The following RERE variants were observed in gnomAD, a reference collection of about 807,000 sequenced individuals.
RERE encodes arginine-glutamic acid dipeptide repeats.
Under a neutral mutation model 146.1 loss-of-function variants are expected in RERE, and 40 were observed. The observed-to-expected ratio is 0.27, with a 90% confidence interval of 0.21 to 0.36. RERE has a LOEUF of 0.36. Ranked by LOEUF, RERE falls within the 10% of genes least tolerant of loss-of-function variation. The pLI is 1.00. For synonymous variants in RERE, 1,003 were observed against 866.0 expected (o/e 1.16, Z -2.78); for missense variants, 1,933 against 2,138.7 (o/e 0.90, Z 1.90).
At chr1:8,374,420 C>T (rs1642161486) in intron 12 of RERE, among the ~76,000 whole-genome samples, 1 of 152,152 alleles carries the variant, frequency 6.6e-6, no homozygotes, top group Non-Finnish European at 1.5e-5. Context: ...TGCAAAGGAA[C>T]TGCAATAGCT....
At position 8,694,976 on chromosome 1, in the gene RERE, G is replaced by GGA. The variant is rs981743428; in HGVS notation, c.-144-38536_-144-38535insTC. Among the ~76,000 whole-genome samples the GGA allele has an allele frequency of 3.7e-5, 5 of 136,858 alleles. 1 individual carries two copies. Among genetic ancestry groups the GGA allele is most frequent in the East Asian group, 4.3e-4 (2 of 4,684 alleles). The allele number at this position is 136,858 out of a possible 152,430, so 89.8% of individuals were successfully genotyped here. A position where few individuals can be genotyped will look rare whatever the true frequency, so the allele number is the denominator to read the frequency against. On this transcript the variant is annotated intron_variant, in intron 1 of 22. Coordinates refer to ENST00000400908, the MANE Select transcript of RERE (RefSeq NM_001042681.2). ...CCAAAGAGCCAAAGAAATCCTAAGG[G>GGA]GGGGGGGGGAATGCTGGCAGCATCA... is the stretch of plus-strand genomic sequence containing the variant.
chr1:8,804,840 T>A (rs1404678343), intron 1 of RERE, among the ~76,000 whole-genome samples: 2 of 152,184 alleles, frequency 1.3e-5, no homozygotes, highest in African/African-American at 2.4e-5. Context: ...ATGAGATACA[T>A]GAAAGAAAGG....
chr1:8,730,500 A>G (rs763962374), intron 1 of RERE, among the ~76,000 whole-genome samples: 32 of 151,940 alleles, frequency 2.1e-4, no homozygotes, highest in Non-Finnish European at 3.5e-4. Flanking sequence ...GCGTCCCCAC[A>G]CCCAGCTAAT....
chr1:8,359,776 T>G lies in RERE; in HGVS notation c.3606A>C (p.Ala1202=). 6.2e-7 allele frequency: 1 copy of G among 1,601,024 alleles called. No homozygotes were observed. The highest frequency in any genetic ancestry group is 1.1e-5 in the South Asian group (1 of 90,902). The change falls in exon 19 of 23, where the codon GCA becomes GCC. Residue 1202 remains alanine (A), a synonymous_variant. Coordinates refer to ENST00000400908, the MANE Select transcript of RERE (RefSeq NM_001042681.2). ...ACCCTGGACTCACAGCCGCCCGCTC[T>G]GCCTCGCGCTCCCGCTCTCGCTCCC... ...RERERERERE[A]ERAAKASSSA...
intron 10 of RERE, among the ~76,000 whole-genome samples, chr1:8,471,232 C>G (rs1198638836): frequency 1.3e-5 from 2 of 152,198 alleles, no homozygotes; most frequent in Non-Finnish European, 2.9e-5. Flanking sequence ...ATCAGGACAT[C>G]TTTCTTTCCT....
chr1:8,731,417 T>C (rs558736917), intron 1 of RERE, among the ~76,000 whole-genome samples: 1 of 152,194 alleles, frequency 6.6e-6, no homozygotes, highest in South Asian at 2.1e-4. Context: ...GAAAGGACAA[T>C]TACTCAACTC....
chr1:8,500,632 C>T (rs1422319578), intron 8 of RERE, among the ~76,000 whole-genome samples: 1 of 152,152 alleles, frequency 6.6e-6, no homozygotes, highest in Admixed American at 6.5e-5. Flanking sequence ...CGGCCGCCAC[C>T]CCGTCTGGGA....
At chr1:8,550,822 A>G (rs1354062941) in intron 6 of RERE, among the ~76,000 whole-genome samples, 1 of 152,214 alleles carries the variant, frequency 6.6e-6, no homozygotes, top group East Asian at 1.9e-4. Context: ...TGCTGGGATT[A>G]CAGGCGTGAG....
intron 1 of RERE, among the ~76,000 whole-genome samples, chr1:8,743,016 G>C (rs1428580586): frequency 2.6e-5 from 4 of 152,036 alleles, no homozygotes; most frequent in African/African-American, 9.7e-5. Context: ...TTTAATCCTC[G>C]AGACATATTG....
At chr1:8,410,212 C>A in intron 12 of RERE, among the ~76,000 whole-genome samples, 1 of 152,042 alleles carries the variant, frequency 6.6e-6, no homozygotes, top group East Asian at 1.9e-4. Flanking sequence ...GGAGGGGGGC[C>A]GCCCTGGCTG....
chr1:8,510,315 T>C (rs980372855), intron 7 of RERE, among the ~76,000 whole-genome samples: 9 of 151,416 alleles, frequency 5.9e-5, no homozygotes, highest in African/African-American at 2.2e-4. Context: ...ATAATAGGCC[T>C]AGCAGCAGGA....
intron 11 of RERE, among the ~76,000 whole-genome samples, chr1:8,433,248 A>C (rs1011462006): frequency 3.3e-5 from 5 of 152,158 alleles, no homozygotes; most frequent in Non-Finnish European, 7.3e-5. Context: ...TGGTTCTCTT[A>C]ACAATGGAAC....
At chr1:8,504,021 T>C (rs913533928) in intron 8 of RERE, among the ~76,000 whole-genome samples, 46 of 152,226 alleles carry the variant, frequency 3.0e-4, no homozygotes, top group African/African-American at 1.1e-3. Context: ...ATAAAGGCCA[T>C]AGAAAAATCT....
chr1:8,470,634 T>C (rs961564933), intron 10 of RERE, among the ~76,000 whole-genome samples: 3 of 151,916 alleles, frequency 2.0e-5, no homozygotes, highest in African/African-American at 4.8e-5. Flanking sequence ...GTTCAAAACT[T>C]GGTCAACTGG....
At chr1:8,679,600 T>C (rs1006604335) in intron 1 of RERE, among the ~76,000 whole-genome samples, 2 of 152,124 alleles carry the variant, frequency 1.3e-5, no homozygotes, top group African/African-American at 4.8e-5. Flanking sequence ...CTGGGTACAA[T>C]CTTAAGTCTA....
chr1:8,576,434 C>T (rs923066293), intron 4 of RERE, among the ~76,000 whole-genome samples: 19 of 151,940 alleles, frequency 1.3e-4, no homozygotes, highest in African/African-American at 4.6e-4. Flanking sequence ...CATGTTAATG[C>T]CAGCCAGTTA....
chr1:8,531,072 ACTTTCTATCTATCTGTCCAT>A (rs1645645538), intron 7 of RERE, among the ~76,000 whole-genome samples: 2 of 130,974 alleles, frequency 1.5e-5, no homozygotes, highest in South Asian at 4.8e-4. Context: ...TATCTATCTA[ACTTTCTATCTATCTGTCCAT>A]CTTTCTATCT....
At chr1:8,731,804 GTTTT>G (rs767388879) in intron 1 of RERE, among the ~76,000 whole-genome samples, 2,582 of 151,464 alleles carry the variant, frequency 0.017, 36 homozygotes, top group Middle Eastern at 0.034. Context: ...TTGTTTGTTT[GTTTT>G]GTTTTGTTTT....
intron 12 of RERE, among the ~76,000 whole-genome samples, chr1:8,397,949 TGTGA>T (rs1643111097): frequency 1.3e-5 from 2 of 152,340 alleles, no homozygotes; most frequent in South Asian, 2.1e-4. Context: ...ATGAAGATAA[TGTGA>T]GTAAGACAGT....
Sources: allele counts gnomAD v4.1 joint callset (sites outside exome capture counted in the v4.1 genomes callset), GRCh38; gene constraint gnomAD v4.1.1; transcripts MANE v1.5; gene names NCBI Gene and HGNC (gene_info 2026-07-23, HGNC 2026-07-21).